Variants in VPS13B observed in about 807,000 individuals in gnomAD.
VPS13B encodes intermembrane lipid transfer protein VPS13B.
In VPS13B, 285 loss-of-function variants were observed where a neutral mutation model predicts 426.4. The observed-to-expected ratio is 0.67, with a 90% CI of 0.61 to 0.74. The LOEUF (loss-of-function observed/expected upper bound fraction) is 0.74, where lower values mean the gene tolerates loss of function less well. Ranked by LOEUF, VPS13B falls within the 30% of genes least tolerant of loss-of-function variation. VPS13B has a pLI of 0.00. For synonymous variants in VPS13B, 1,676 were observed against 1,676.4 expected, an observed-to-expected ratio of 1.00 and a Z score of 0.01; for missense variants, 4,537 against 4,782.6, an observed-to-expected ratio of 0.95 and a Z score of 1.51.
intron 34 of VPS13B, among the ~76,000 whole-genome samples, chr8:99,652,216 A>G (rs1829845189): frequency 6.6e-6 from 1 of 152,088 alleles, no homozygotes; most frequent in Non-Finnish European, 1.5e-5. Flanking sequence ...CTCGGTACTA[A>G]GTTTTAATCC....
chr8:99,358,002 T>TCACACACACA (rs34418547), intron 19 of VPS13B, among the ~76,000 whole-genome samples: 48 of 144,418 alleles, frequency 3.3e-4, no homozygotes, highest in African/African-American at 8.9e-4. Flanking sequence ...GGATTAAATA[T>TCACACACACA]CACACACACA....
chr8:99,023,639 C>A (rs189721937), intron 2 of VPS13B, among the ~76,000 whole-genome samples: 106 of 152,178 alleles, frequency 7.0e-4, no homozygotes, highest in Non-Finnish European at 1.4e-3. Context: ...CGCCACCACA[C>A]CTGGCTAATT....
At chr8:99,129,910 G>A (rs1054876526) in intron 8 of VPS13B, among the ~76,000 whole-genome samples, 8 of 152,190 alleles carry the variant, frequency 5.3e-5, no homozygotes, top group Non-Finnish European at 8.8e-5. Flanking sequence ...TAACTACTCC[G>A]GAAGCTGAAG....
chr8:99,593,457 T>C (rs1414327398), intron 33 of VPS13B, among the ~76,000 whole-genome samples: 1 of 152,090 alleles, frequency 6.6e-6, no homozygotes, highest in Admixed American at 6.6e-5. Context: ...TTTACACTGT[T>C]GAGTGGGAGT....
intron 24 of VPS13B, among the ~76,000 whole-genome samples, chr8:99,477,562 A>G (rs908688452): frequency 6.6e-6 from 1 of 152,208 alleles, no homozygotes; most frequent in Non-Finnish European, 1.5e-5. Flanking sequence ...ATTTTATGGA[A>G]ATAATTCCTA....
chr8:99,317,883 A>G (rs1316634364), intron 19 of VPS13B, among the ~76,000 whole-genome samples: 1 of 152,192 alleles, frequency 6.6e-6, no homozygotes, highest in Non-Finnish European at 1.5e-5. Flanking sequence ...ATGTAGGTGC[A>G]TGCACTAAGG....
intron 13 of VPS13B, among the ~76,000 whole-genome samples, chr8:99,146,563 G>A (rs907877338): frequency 6.6e-6 from 1 of 152,062 alleles, no homozygotes; most frequent in Non-Finnish European, 1.5e-5. Flanking sequence ...GGAATATTGG[G>A]TTGGCTGTTT....
chr8:99,872,768 T>A (rs946244267), intron 61 of VPS13B, among the ~76,000 whole-genome samples: 6 of 152,152 alleles, frequency 3.9e-5, no homozygotes, highest in African/African-American at 1.4e-4. Context: ...CTCCAATAGG[T>A]TCTGCCTGAT....
intron 19 of VPS13B, among the ~76,000 whole-genome samples, chr8:99,378,144 C>T (rs998375881): frequency 3.5e-5 from 5 of 141,642 alleles, no homozygotes; most frequent in Middle Eastern, 3.2e-3. Context: ...GCCCCCCCCC[C>T]CCGGAATGCA....
At chr8:99,686,911 C>A (rs1831432032) in intron 35 of VPS13B, among the ~76,000 whole-genome samples, 1 of 151,956 alleles carries the variant, frequency 6.6e-6, no homozygotes, top group African/African-American at 2.4e-5. Context: ...TTTCTATCTC[C>A]TTTTCTCAAG....
chr8:99,815,784 C>T (rs950266161), intron 44 of VPS13B, among the ~76,000 whole-genome samples: 8 of 152,028 alleles, frequency 5.3e-5, no homozygotes, highest in Admixed American at 2.0e-4. Context: ...AATTCACCAC[C>T]GTATTAAATT....
rs1396865006 is a variant in VPS13B, at chr8:99,179,245, T to C, written c.2333+9082T>C. On this transcript the variant is annotated intron_variant, in intron 16 of 61. Coordinates refer to ENST00000357162, the MANE Select transcript of VPS13B (RefSeq NM_152564.5). ...AATTTAGACAGGTGTTCTTAAATAC[T>C]GTCTAACTCATACATCTGCAGCCAA... is the stretch of plus-strand genomic sequence containing the variant. 2.0e-5 allele frequency among the ~76,000 whole-genome samples: 3 copies of C among 152,240 alleles called. No homozygotes were observed. The East Asian group carries it at 5.8e-4, about 29-fold the overall frequency.
chr8:99,303,258 CA>C (rs757187342), intron 19 of VPS13B, among the ~76,000 whole-genome samples: 58 of 57,294 alleles, frequency 1.0e-3, no homozygotes, highest in African/African-American at 2.3e-3. Context: ...CAGCCTGTCT[CA>C]AAAAAAAAAA....
chr8:99,574,578 G>T (rs1825671493), intron 31 of VPS13B, among the ~76,000 whole-genome samples: 2 of 152,032 alleles, frequency 1.3e-5, no homozygotes, highest in Admixed American at 6.6e-5. Context: ...TTTGTCTTTG[G>T]TTCTGTTTAT....
At chr8:99,770,112 T>C (rs1811406356) in intron 40 of VPS13B, among the ~76,000 whole-genome samples, 1 of 152,030 alleles carries the variant, frequency 6.6e-6, no homozygotes, top group African/African-American at 2.4e-5. Flanking sequence ...TGAGCCAAGA[T>C]CACACCACTG....
chr8:99,523,320 G>C (rs1372310890), intron 30 of VPS13B, among the ~76,000 whole-genome samples: 1 of 152,214 alleles, frequency 6.6e-6, no homozygotes, highest in Non-Finnish European at 1.5e-5. Context: ...CACAAGCCTG[G>C]TTGGCTTTTC....
intron 3 of VPS13B, among the ~76,000 whole-genome samples, chr8:99,045,357 A>T (rs1365397837): frequency 6.6e-6 from 1 of 151,622 alleles, no homozygotes; most frequent in Non-Finnish European, 1.5e-5. Flanking sequence ...TCTTCTTCTG[A>T]GAATTGTCTG....
intron 23 of VPS13B, among the ~76,000 whole-genome samples, chr8:99,448,121 T>A (rs1014728453): frequency 8.5e-5 from 12 of 141,788 alleles, no homozygotes; most frequent in Non-Finnish European, 1.2e-4. Context: ...GTGGTTTTAT[T>A]TTTATTTATT....
At chr8:99,655,488 G>A (rs1274205303) in intron 34 of VPS13B, among the ~76,000 whole-genome samples, 1 of 152,292 alleles carries the variant, frequency 6.6e-6, no homozygotes, top group African/African-American at 2.4e-5. Flanking sequence ...GGTAGGTGCT[G>A]CTATTTCGCA....
Sources: allele counts gnomAD v4.1 joint callset (sites outside exome capture counted in the v4.1 genomes callset), GRCh38; gene constraint gnomAD v4.1.1; transcripts MANE v1.5; gene names NCBI Gene and HGNC (gene_info 2026-07-23, HGNC 2026-07-21).